TSHR: variants seen among roughly 807,000 people sequenced by gnomAD.
The protein encoded by TSHR is thyrotropin receptor.
TSHR carries 51 observed loss-of-function variants against 64.1 expected under a neutral mutation model. That is an observed-to-expected ratio of 0.80 (90% CI 0.64 to 1.01). TSHR has a LOEUF of 1.01. TSHR is among the 50% of genes least tolerant of loss of function. The pLI is 0.00. For synonymous variants in TSHR, 361 were observed against 361.9 expected (o/e 1.00, Z 0.03); for missense variants, 877 against 942.8 (o/e 0.93, Z 0.91).
chr14:81,026,208 T>C (rs1264066955), intron 1 of TSHR, among the ~76,000 whole-genome samples: 2 of 152,250 alleles, frequency 1.3e-5, no homozygotes, highest in East Asian at 3.8e-4. Context: ...AAATTTTTTT[T>C]CTGATTTATC....
chr14:81,033,620 T>TAAA (rs558393145), intron 1 of TSHR, among the ~76,000 whole-genome samples: 9,719 of 131,012 alleles, frequency 0.074, 441 homozygotes, highest in African/African-American at 0.14. Context: ...GGTCTTTTTC[T>TAAA]AAAAAAAAAA....
At chr14:81,092,187 T>C (rs1218350810) in intron 5 of TSHR, among the ~76,000 whole-genome samples, 1 of 152,172 alleles carries the variant, frequency 6.6e-6, no homozygotes, top group East Asian at 1.9e-4. Context: ...GGTCCATGCA[T>C]GTAGAAAACT....
At chr14:80,999,589 C>A (rs1442817110) in intron 1 of TSHR, among the ~76,000 whole-genome samples, 1 of 152,150 alleles carries the variant, frequency 6.6e-6, no homozygotes, top group East Asian at 1.9e-4. Flanking sequence ...TTAAACTATA[C>A]AGGGTTGCTT....
intron 1 of TSHR, among the ~76,000 whole-genome samples, chr14:81,009,737 T>C (rs1018041751): frequency 2.6e-5 from 4 of 152,126 alleles, no homozygotes; most frequent in African/African-American, 7.2e-5. Flanking sequence ...CTATCTAGTA[T>C]TTTGTCATGT....
chr14:81,103,736 C>A lies in TSHR; in HGVS notation c.615-4639C>A. On this transcript the variant is annotated intron_variant, in intron 7 of 9. Coordinates refer to ENST00000298171, the MANE Select transcript of TSHR (RefSeq NM_000369.5). The surrounding 1 kb of genome is among the most constrained non-coding windows in gnomAD (Gnocchi z 4.1). ...TTGGTCACAAGTTAAGTCACACATT[C>A]ATTGTTTGGAATTTCTTTTCCATCC... The A allele has an allele frequency of 3.0e-6, 3 of 985,472 alleles. No individual in the cohort carries two copies. The highest frequency in any genetic ancestry group is 3.6e-6 in the Non-Finnish European group (3 of 829,946). 61.0% of individuals were successfully genotyped at this position (985,472 alleles called of 1,614,324 possible).
intron 7 of TSHR, 147 bp downstream of exon 7, chr14:81,096,854 C>A (rs1248652452): frequency 1.1e-6 from 1 of 912,126 alleles, no homozygotes; most frequent in Non-Finnish European, 1.7e-6. Flanking sequence ...GGTCAAGGAA[C>A]TTGGCAGGGG....
intron 1 of TSHR, among the ~76,000 whole-genome samples, chr14:80,979,253 T>A (rs563702567): frequency 4.7e-5 from 4 of 85,046 alleles, no homozygotes; most frequent in African/African-American, 1.6e-4. Context: ...ACAACATTGA[T>A]CTCGTAGAAG....
intron 8 of TSHR, among the ~76,000 whole-genome samples, chr14:81,116,635 T>C (rs1355255580): frequency 1.7e-3 from 235 of 140,172 alleles, no homozygotes; most frequent in East Asian, 7.0e-3. Context: ...GACAGAAAGT[T>C]AACAAGGATA....
chr14:81,052,139 C>A (rs1463689692), intron 1 of TSHR: 1 of 152,066 alleles, frequency 6.6e-6, no homozygotes, highest in Non-Finnish European at 1.5e-5. Flanking sequence ...TGTCAAGGAG[C>A]TTTTCTCCTA....
intron 1 of TSHR, among the ~76,000 whole-genome samples, chr14:81,059,424 T>G (rs536706224): frequency 5.9e-5 from 9 of 152,252 alleles, no homozygotes; most frequent in African/African-American, 1.9e-4. Context: ...AATTGTGTAT[T>G]TTTTTAGATT....
In TSHR at chr14:81,076,692, A is replaced by T. The variant is rs140289676; in HGVS notation, c.317+8364A>T. 6.2e-3 allele frequency among the ~76,000 whole-genome samples: 938 copies of T among 152,296 alleles called. 6 individuals are homozygous for T. Among genetic ancestry groups the T allele is most frequent in the Non-Finnish European group, 9.1e-3 (622 of 68,016 alleles). On this transcript the variant is annotated intron_variant, in intron 3 of 9. Transcript: ENST00000298171. ...TTGATTCTACTACCCTAATATACAGAAAATGTATCCTCTTCCTCTCCACTG... is the reference window on the plus strand; with the variant it reads ...TTGATTCTACTACCCTAATATACAGTAAATGTATCCTCTTCCTCTCCACTG...
intron 8 of TSHR, among the ~76,000 whole-genome samples, chr14:81,115,039 T>C (rs1345277758): frequency 6.6e-6 from 1 of 151,932 alleles, no homozygotes; most frequent in Non-Finnish European, 1.5e-5. Flanking sequence ...TACATCACCA[T>C]CATCAAAGAC....
intron 1 of TSHR, among the ~76,000 whole-genome samples, chr14:81,016,774 G>A (rs538604054): frequency 1.3e-5 from 2 of 152,216 alleles, no homozygotes; most frequent in African/African-American, 4.8e-5. Flanking sequence ...GAGGACTTAT[G>A]TTTGGATTTT....
intron 1 of TSHR, among the ~76,000 whole-genome samples, chr14:81,041,588 T>C (rs1052433442): frequency 1.3e-5 from 2 of 152,008 alleles, no homozygotes; most frequent in Non-Finnish European, 2.9e-5. Context: ...AATAACTGGG[T>C]GATGAAATAA....
At chr14:81,115,654 C>T (rs1414402428) in intron 8 of TSHR, among the ~76,000 whole-genome samples, 2 of 151,926 alleles carry the variant, frequency 1.3e-5, no homozygotes, top group Non-Finnish European at 2.9e-5. Flanking sequence ...GGCAGGCCAA[C>T]GTTCAGATTC....
chr14:81,013,159 T>C (rs371742482), intron 1 of TSHR: 2 of 152,242 alleles, frequency 1.3e-5, no homozygotes, highest in Non-Finnish European at 2.9e-5. Flanking sequence ...TTTCTACATA[T>C]GGCTAGCCCG....
chr14:80,983,753 C>G, intron 1 of TSHR: 1 of 376,156 alleles, frequency 2.7e-6, no homozygotes, highest in Non-Finnish European at 4.9e-6. Context: ...TACATTGCAT[C>G]TTTAACACAT....
chr14:80,974,724 T>C (rs1220259720), intron 1 of TSHR, among the ~76,000 whole-genome samples: 1 of 152,206 alleles, frequency 6.6e-6, no homozygotes, highest in Non-Finnish European at 1.5e-5. Context: ...ATAGAAAGTA[T>C]GTATTTCATG....
At chr14:81,002,787 T>TAAAAGACTGC (rs1240380635) in intron 1 of TSHR, among the ~76,000 whole-genome samples, 10 of 50,328 alleles carry the variant, frequency 2.0e-4, no homozygotes, top group Admixed American at 3.3e-4. Context: ...GCCTCTTTTT[T>TAAAAGACTGC]TTTTTTTTTT....
Sources: allele counts gnomAD v4.1 joint callset (sites outside exome capture counted in the v4.1 genomes callset), GRCh38; gene constraint gnomAD v4.1.1; non-coding constraint Gnocchi (gnomAD v3.1); transcripts MANE v1.5; gene names NCBI Gene and HGNC (gene_info 2026-07-23, HGNC 2026-07-21).